CACNA2D1: variants seen among roughly 807,000 people sequenced by gnomAD.
The protein encoded by CACNA2D1 is voltage-dependent calcium channel subunit alpha-2/delta-1.
A neutral mutation model predicts 171.5 loss-of-function variants in CACNA2D1; 53 were observed. The ratio of observed to expected loss-of-function variants is 0.31; its 90% CI spans 0.25 to 0.39. CACNA2D1 has a LOEUF of 0.39. Ranked by LOEUF, CACNA2D1 falls within the 10% of genes least tolerant of loss-of-function variation. The pLI, the probability that CACNA2D1 is intolerant of heterozygous loss-of-function variation, is 1.00. For synonymous variants in CACNA2D1, 442 were observed against 443.1 expected (o/e 1.00, Z 0.03); for missense variants, 903 against 1,299.8 (o/e 0.69, Z 4.69).
At chr7:82,072,862 A>G (rs79889898) in intron 7 of CACNA2D1, among the ~76,000 whole-genome samples, 8,742 of 152,166 alleles carry the variant, frequency 0.057, 271 homozygotes, top group Middle Eastern at 0.15. Context: ...TTTTACACAT[A>G]AACACTTAGA....
intron 3 of CACNA2D1, among the ~76,000 whole-genome samples, chr7:82,263,696 T>G (rs1807445158): frequency 6.6e-6 from 1 of 152,234 alleles, no homozygotes; most frequent in Non-Finnish European, 1.5e-5. Flanking sequence ...TTGTTTCGTT[T>G]TGTTTTGGTA....
At chr7:82,153,296 A>T (rs1794038378) in intron 4 of CACNA2D1, among the ~76,000 whole-genome samples, 1 of 152,004 alleles carries the variant, frequency 6.6e-6, no homozygotes, top group Non-Finnish European at 1.5e-5. Context: ...TAAAACTGAG[A>T]TAAAAAAATC....
chr7:82,327,348 C>T (rs1192563965), intron 3 of CACNA2D1, among the ~76,000 whole-genome samples: 12 of 152,128 alleles, frequency 7.9e-5, no homozygotes, highest in African/African-American at 1.7e-4. Context: ...CTTGAGTTGC[C>T]TACCTACGTA....
chr7:82,276,255 ATG>A (rs1809308645), intron 3 of CACNA2D1, among the ~76,000 whole-genome samples: 1 of 152,220 alleles, frequency 6.6e-6, no homozygotes, highest in Non-Finnish European at 1.5e-5. Flanking sequence ...GATATAAACT[ATG>A]TTGAAAGTCA....
intron 2 of CACNA2D1, among the ~76,000 whole-genome samples, chr7:82,337,857 C>T (rs973616684): frequency 2.6e-5 from 4 of 152,158 alleles, no homozygotes; most frequent in African/African-American, 4.8e-5. Context: ...GCCACCCTGA[C>T]ATAAGTCTTA....
chr7:82,283,812 T>C (rs1329761879), intron 3 of CACNA2D1, among the ~76,000 whole-genome samples: 4 of 152,122 alleles, frequency 2.6e-5, no homozygotes, highest in African/African-American at 9.7e-5. Flanking sequence ...AATTAGCAGA[T>C]ATATAATTTT....
chr7:82,411,312 C>T (rs1827625002), intron 1 of CACNA2D1, among the ~76,000 whole-genome samples: 2 of 152,158 alleles, frequency 1.3e-5, no homozygotes, highest in Admixed American at 6.5e-5. Context: ...CTATTACTGT[C>T]TATATAGTCC....
At chr7:82,160,566 T>C (rs950201715) in intron 4 of CACNA2D1, among the ~76,000 whole-genome samples, 16 of 152,034 alleles carry the variant, frequency 1.1e-4, no homozygotes, top group Non-Finnish European at 2.1e-4. Context: ...GCTGGAGTGC[T>C]GTAGCACAAT....
At chr7:82,134,846 A>G (rs528045057) in intron 5 of CACNA2D1, among the ~76,000 whole-genome samples, 22 of 152,304 alleles carry the variant, frequency 1.4e-4, no homozygotes, top group Admixed American at 1.0e-3. Context: ...TACAAATAGT[A>G]ACACGTGCAC....
chr7:81,987,974 G>T (rs969172173), intron 21 of CACNA2D1, among the ~76,000 whole-genome samples: 2 of 152,084 alleles, frequency 1.3e-5, no homozygotes, highest in East Asian at 1.9e-4. Context: ...AAGAACATTC[G>T]CCTGCTCACA....
Position 81,948,046 on chromosome 7 carries a change from C to CA in CACNA2D1, c.*2345dup, listed in dbSNP as rs537720265. On this transcript the variant is annotated 3_prime_UTR_variant, in exon 39 of 39. Transcript: ENST00000356860. ...ACAATAACAATGTAATTGATGAAAA[C>CA]ATATACTCGACATTAGCCATGAAAA... The CA allele has an allele frequency of 2.9e-3, 436 of 151,836 alleles. 1 individual carries two copies. The highest frequency in any genetic ancestry group is 9.9e-3 in the African/African-American group (409 of 41,480). The allele number at this position is 151,836 out of a possible 1,614,324, so 9.4% of individuals were successfully genotyped here.
intron 20 of CACNA2D1, among the ~76,000 whole-genome samples, chr7:81,992,789 C>A (rs1173948156): frequency 1.3e-5 from 2 of 152,102 alleles, no homozygotes; most frequent in Non-Finnish European, 2.9e-5. Context: ...TGAAAGTATT[C>A]TCAGATTAGC....
Position 81,965,591 on chromosome 7 carries a change from T to C in CACNA2D1, c.2574+3A>G, listed in dbSNP as rs533025081. 6.6e-7 allele frequency: 1 copy of C among 1,508,434 alleles called. No individual in the cohort carries two copies. The highest frequency in any genetic ancestry group is 9.2e-7 in the Non-Finnish European group (1 of 1,084,466). 93.4% of individuals were successfully genotyped at this position (1,508,434 alleles called of 1,614,324 possible). A position where few individuals can be genotyped will look rare whatever the true frequency, so the allele number is the denominator to read the frequency against. On this transcript the variant is annotated splice_donor_region_variant and intron_variant, in intron 32 of 38. Coordinates refer to ENST00000356860, the MANE Select transcript of CACNA2D1 (RefSeq NM_000722.4). The stretch of plus-strand genomic sequence containing the variant: ...CTAATTCCCTCTTATTTGAGGTACA[T>C]ACCTGATTAGTATAATCATCATGAT...
intron 12 of CACNA2D1, among the ~76,000 whole-genome samples, chr7:82,020,027 A>G (rs1800994566): frequency 1.3e-5 from 2 of 152,184 alleles, no homozygotes; most frequent in African/African-American, 2.4e-5. Flanking sequence ...TGACTAGCCT[A>G]TATCTCCAGT....
At chr7:81,967,089 AT>A in intron 31 of CACNA2D1, 79 bp downstream of exon 31, 2 of 1,019,784 alleles carry the variant, frequency 2.0e-6, no homozygotes, top group Non-Finnish European at 1.5e-6. Context: ...ATTCCTGCAT[AT>A]TTTTTCATCA....
At chr7:82,096,722 CAA>C (rs202202023) in intron 6 of CACNA2D1, among the ~76,000 whole-genome samples, 2,691 of 150,076 alleles carry the variant, frequency 0.018, 31 homozygotes, top group Middle Eastern at 0.048. Context: ...ACAGATGGCA[CAA>C]AAGAGTATTG....
chr7:82,140,637 CTCAGT>C (rs1410321960), intron 4 of CACNA2D1, among the ~76,000 whole-genome samples: 2 of 152,012 alleles, frequency 1.3e-5, no homozygotes, highest in African/African-American at 2.4e-5. Context: ...TTTTCCAAGT[CTCAGT>C]TCATATTTTC....
intron 5 of CACNA2D1, among the ~76,000 whole-genome samples, chr7:82,128,732 GT>G (rs1790626297): frequency 6.6e-6 from 1 of 152,076 alleles, no homozygotes; most frequent in Non-Finnish European, 1.5e-5. Context: ...ATGCCAACAT[GT>G]ACTAATCTCA....
intron 3 of CACNA2D1, among the ~76,000 whole-genome samples, chr7:82,278,902 A>C (rs1214037456): frequency 6.6e-6 from 1 of 152,176 alleles, no homozygotes; most frequent in Non-Finnish European, 1.5e-5. Flanking sequence ...ACTCCTGTTG[A>C]AATGTCAACA....
Sources: allele counts gnomAD v4.1 joint callset (sites outside exome capture counted in the v4.1 genomes callset), GRCh38; gene constraint gnomAD v4.1.1; transcripts MANE v1.5; gene names NCBI Gene and HGNC (gene_info 2026-07-23, HGNC 2026-07-21).